Variants in MYRIP observed in about 807,000 individuals in gnomAD.
MYRIP encodes myosin VIIA and Rab interacting protein, also known as rab effector MyRIP.
In MYRIP, 49 loss-of-function variants were observed where a neutral mutation model predicts 98.0. The observed-to-expected ratio is 0.50, with a 90% CI of 0.40 to 0.63. MYRIP has a LOEUF of 0.63. Among genes scored for constraint, MYRIP ranks in the 30% least tolerant of loss-of-function variants. The probability of loss-of-function intolerance (pLI) is 0.00; values close to 1 mark genes in which losing one functional copy is unlikely to be tolerated. For missense variants in MYRIP, 1,004 were observed against 1,058.2 expected, an observed-to-expected ratio of 0.95 and a Z score of 0.71; for synonymous variants, 404 against 409.5, an observed-to-expected ratio of 0.99 and a Z score of 0.16.
chr3:39,815,548 A>T (rs978536617), intron 1 of MYRIP, among the ~76,000 whole-genome samples: 5 of 152,156 alleles, frequency 3.3e-5, no homozygotes, highest in Non-Finnish European at 7.3e-5. Context: ...TTGCCAGTAT[A>T]TAGTAAGGGG....
intron 1 of MYRIP, among the ~76,000 whole-genome samples, chr3:39,850,241 C>A (rs986442291): frequency 1.3e-5 from 2 of 152,248 alleles, no homozygotes; most frequent in African/African-American, 4.8e-5. Flanking sequence ...TCTCTGGCTC[C>A]TGCCCTTCTG....
chr3:40,059,803 G>A (rs901782041), intron 3 of MYRIP, among the ~76,000 whole-genome samples: 13 of 152,122 alleles, frequency 8.5e-5, no homozygotes, highest in African/African-American at 1.7e-4. Context: ...TGGTTGCCCC[G>A]TGAAGGGCCA....
chr3:40,040,145 G>A (rs1357229432), intron 2 of MYRIP, among the ~76,000 whole-genome samples: 1 of 152,154 alleles, frequency 6.6e-6, no homozygotes, highest in African/African-American at 2.4e-5. Flanking sequence ...CAGTGATTTA[G>A]GGCATGGACA....
chr3:40,219,530 T>C (rs1402272451), intron 11 of MYRIP, among the ~76,000 whole-genome samples: 4 of 151,370 alleles, frequency 2.6e-5, no homozygotes, highest in Non-Finnish European at 5.9e-5. Flanking sequence ...TTCCCCTTCC[T>C]GTGTCCATGT....
At chr3:40,174,475 A>G (rs955037267) in intron 8 of MYRIP, 3 of 152,234 alleles carry the variant, frequency 2.0e-5, no homozygotes, top group African/African-American at 7.2e-5. Context: ...GAATCTGAGA[A>G]TAAAGAGAAA....
At chr3:40,034,677 G>T (rs1947337411) in intron 2 of MYRIP, among the ~76,000 whole-genome samples, 1 of 150,298 alleles carries the variant, frequency 6.7e-6, no homozygotes, top group South Asian at 2.1e-4. Context: ...ATTCCTCAGG[G>T]ATCTAGAACT....
chr3:39,914,446 C>T (rs1012500618), intron 2 of MYRIP, among the ~76,000 whole-genome samples: 3 of 151,968 alleles, frequency 2.0e-5, no homozygotes, highest in African/African-American at 7.2e-5. Context: ...ATTAAAATCC[C>T]AGTTCATTCC....
intron 2 of MYRIP, among the ~76,000 whole-genome samples, chr3:39,977,313 C>T (rs766433615): frequency 2.0e-5 from 3 of 152,114 alleles, no homozygotes; most frequent in Admixed American, 6.6e-5. Flanking sequence ...TTAGTCAGCA[C>T]ACTCAGAGCA....
At chr3:40,036,197 A>T (rs547879458) in intron 2 of MYRIP, among the ~76,000 whole-genome samples, 106 of 151,788 alleles carry the variant, frequency 7.0e-4, no homozygotes, top group African/African-American at 1.8e-3. Flanking sequence ...ACTGAAGAAC[A>T]CTACAGAAAA....
chr3:40,093,287 T>G (rs1948761976), intron 3 of MYRIP, among the ~76,000 whole-genome samples: 1 of 152,130 alleles, frequency 6.6e-6, no homozygotes, highest in African/African-American at 2.4e-5. Flanking sequence ...AACCACAACT[T>G]CATGCAAACA....
chr3:40,244,458 G>T lies in MYRIP; in HGVS notation c.2113G>T (p.Ala705Ser), dbSNP rs1953120483. 6.2e-7 allele frequency: 1 copy of T among 1,612,392 alleles called. No homozygotes were observed. The highest frequency in any genetic ancestry group is 8.5e-7 in the Non-Finnish European group (1 of 1,179,126). The change falls in exon 13 of 17, where the codon GCA (alanine) becomes TCA (serine). Residue 705 changes from alanine (A) to serine (S), a missense_variant. By Grantham distance (99) the Ala-to-Ser change is moderately conservative. Coordinates refer to ENST00000302541, the MANE Select transcript of MYRIP (RefSeq NM_015460.4). ...ACTGTCTCTACAGGTATACCTGGCA[G>T]CAGGCACTGTGTATGGACTGGAGAC... Reference protein sequence around the residue: ...TSLEENVYLAAGTVYGLETQL... With the variant: ...TSLEENVYLASGTVYGLETQL...
At chr3:40,204,662 T>C (rs758913082) in intron 10 of MYRIP, among the ~76,000 whole-genome samples, 6 of 152,126 alleles carry the variant, frequency 3.9e-5, no homozygotes, top group African/African-American at 4.8e-5. Flanking sequence ...AACCCGCCTT[T>C]CCTAGGTAAA....
chr3:40,209,490 A>C (rs1951864394), intron 10 of MYRIP, among the ~76,000 whole-genome samples: 1 of 152,120 alleles, frequency 6.6e-6, no homozygotes, highest in African/African-American at 2.4e-5. Context: ...GAATATGGAA[A>C]GTTTTAGTGT....
At chr3:40,183,100 G>C (rs911793465) in intron 9 of MYRIP, among the ~76,000 whole-genome samples, 12 of 152,130 alleles carry the variant, frequency 7.9e-5, no homozygotes, top group African/African-American at 2.2e-4. Flanking sequence ...GCATGGAAAA[G>C]GCAGGTACCT....
At chr3:39,865,386 G>A (rs748519933) in intron 1 of MYRIP, among the ~76,000 whole-genome samples, 53 of 152,122 alleles carry the variant, frequency 3.5e-4, no homozygotes, top group Non-Finnish European at 6.5e-4. Flanking sequence ...AGAGTAAACA[G>A]ACAACCCACA....
intron 2 of MYRIP, among the ~76,000 whole-genome samples, chr3:39,957,638 T>C (rs1345036265): frequency 1.3e-5 from 2 of 152,162 alleles, no homozygotes; most frequent in African/African-American, 4.8e-5. Context: ...ATGCCCTCTC[T>C]CACCACTCCT....
At chr3:39,949,152 T>C (rs1000558305) in intron 2 of MYRIP, among the ~76,000 whole-genome samples, 2 of 152,184 alleles carry the variant, frequency 1.3e-5, no homozygotes, top group Admixed American at 6.5e-5. Context: ...GAGAAGCTTA[T>C]GAATTTGCTT....
intron 3 of MYRIP, among the ~76,000 whole-genome samples, chr3:40,057,568 C>A (rs1947909406): frequency 6.6e-6 from 1 of 152,140 alleles, no homozygotes; most frequent in African/African-American, 2.4e-5. Flanking sequence ...TGCTCAGAGG[C>A]CCCAGTGGCT....
chr3:40,146,749 G>A (rs1172295464), intron 3 of MYRIP, among the ~76,000 whole-genome samples: 1 of 151,834 alleles, frequency 6.6e-6, no homozygotes, highest in East Asian at 1.9e-4. Context: ...ACATACACAT[G>A]AGCACATGCA....
Sources: allele counts gnomAD v4.1 joint callset (sites outside exome capture counted in the v4.1 genomes callset), GRCh38; gene constraint gnomAD v4.1.1; transcripts MANE v1.5; gene names NCBI Gene and HGNC (gene_info 2026-07-23, HGNC 2026-07-21).